NDUFS4: variants seen among roughly 807,000 people sequenced by gnomAD.
The protein encoded by NDUFS4 is NADH dehydrogenase [ubiquinone] iron-sulfur protein 4, mitochondrial.
NDUFS4 carries 28 observed loss-of-function variants against 24.3 expected under a neutral mutation model. The ratio of observed to expected loss-of-function variants is 1.15; its 90% CI spans 0.85 to 1.58. The LOEUF is 1.58. Ranked by LOEUF, NDUFS4 falls within the 40% of genes most tolerant of loss-of-function variation. NDUFS4 has a pLI of 0.00. For missense variants in NDUFS4, 223 were observed against 207.9 expected (o/e 1.07, Z -0.45); for synonymous variants, 93 against 69.7 (o/e 1.34, Z -1.67).
At chr5:53,596,933 T>C (rs970171201) in intron 1 of NDUFS4, among the ~76,000 whole-genome samples, 1 of 152,220 alleles carries the variant, frequency 6.6e-6, no homozygotes, top group South Asian at 2.1e-4. Context: ...TAAAATCATA[T>C]TCAGTTATTT....
intron 4 of NDUFS4, 196 bp downstream of exon 4, chr5:53,658,820 T>G (rs1019660511): frequency 3.1e-5 from 17 of 545,252 alleles, no homozygotes; most frequent in African/African-American, 3.0e-4. Flanking sequence ...ATTGGAATGC[T>G]CATACAACAT....
intron 1 of NDUFS4, among the ~76,000 whole-genome samples, chr5:53,600,024 G>T (rs556148099): frequency 2.6e-5 from 4 of 152,124 alleles, no homozygotes; most frequent in Admixed American, 2.6e-4. Context: ...TTGAGACGGA[G>T]TTTCATTCTT....
At position 53,561,920 on chromosome 5, in the gene NDUFS4, C is replaced by G. The variant is rs191860042; in HGVS notation, c.98+1160C>G. ...ACTAAATACATAGAATAGAGTCACT[C>G]AAAAGTAAGGGTGCTAAGATTGGGG... On this transcript the variant is annotated intron_variant, in intron 1 of 4. Transcript: ENST00000296684. 4.6e-5 allele frequency among the ~76,000 whole-genome samples: 7 copies of G among 151,952 alleles called. No individual in the cohort carries two copies. In the East Asian group the frequency reaches 1.4e-3, roughly 29 times the overall value.
At chr5:53,635,012 A>G (rs1751508396) in intron 2 of NDUFS4, among the ~76,000 whole-genome samples, 1 of 151,970 alleles carries the variant, frequency 6.6e-6, no homozygotes, top group Admixed American at 6.6e-5. Context: ...CAACATGGTG[A>G]AACCCCATCA....
At chr5:53,594,679 C>T (rs1750076773) in intron 1 of NDUFS4, among the ~76,000 whole-genome samples, 1 of 151,914 alleles carries the variant, frequency 6.6e-6, no homozygotes, top group South Asian at 2.1e-4. Context: ...TACTTATTAT[C>T]TCTGATTTTT....
At chr5:53,594,339 A>G (rs1314814157) in intron 1 of NDUFS4, among the ~76,000 whole-genome samples, 1 of 152,108 alleles carries the variant, frequency 6.6e-6, no homozygotes, top group East Asian at 1.9e-4. Context: ...GTCTGAGATT[A>G]ATTTAGCTGT....
intron 2 of NDUFS4, among the ~76,000 whole-genome samples, chr5:53,626,902 C>CT (rs894103662): frequency 1.1e-4 from 16 of 152,262 alleles, no homozygotes; most frequent in Admixed American, 2.0e-4. Flanking sequence ...TCCCATATGT[C>CT]TATTTTGACT....
chr5:53,569,206 GC>G (rs1028925177), intron 1 of NDUFS4, among the ~76,000 whole-genome samples: 5 of 151,944 alleles, frequency 3.3e-5, no homozygotes, highest in African/African-American at 1.2e-4. Flanking sequence ...TATGACTTTT[GC>G]CTTTTAAGTC....
At chr5:53,602,482 TAAG>T (rs377554851) in intron 1 of NDUFS4, among the ~76,000 whole-genome samples, 162 of 152,292 alleles carry the variant, frequency 1.1e-3, no homozygotes, top group African/African-American at 3.5e-3. Context: ...AAATTATAAT[TAAG>T]AAGGTTTTCT....
intron 2 of NDUFS4, among the ~76,000 whole-genome samples, chr5:53,605,641 A>G (rs1417203684): frequency 1.3e-5 from 2 of 152,066 alleles, no homozygotes; most frequent in East Asian, 1.9e-4. Context: ...CTGTAAGGGG[A>G]TTGGTTCTAG....
chr5:53,668,324 C>T (rs1752574760), intron 4 of NDUFS4, among the ~76,000 whole-genome samples: 1 of 152,242 alleles, frequency 6.6e-6, no homozygotes, highest in African/African-American at 2.4e-5. Flanking sequence ...TTAGTTTTTT[C>T]ATTTCCCTTT....
chr5:53,618,390 T>C (rs1750919886), intron 2 of NDUFS4, among the ~76,000 whole-genome samples: 2 of 152,188 alleles, frequency 1.3e-5, no homozygotes, highest in South Asian at 4.1e-4. Flanking sequence ...GGAATTATAA[T>C]TATTATTCTT....
chr5:53,565,026 A>G (rs562111411), intron 1 of NDUFS4, among the ~76,000 whole-genome samples: 10 of 152,338 alleles, frequency 6.6e-5, no homozygotes, highest in African/African-American at 2.4e-4. Context: ...TCCAAAAACC[A>G]CTGGCCAAAT....
chr5:53,641,394 A>G (rs1419986456), intron 2 of NDUFS4, among the ~76,000 whole-genome samples: 1 of 152,188 alleles, frequency 6.6e-6, no homozygotes, highest in South Asian at 2.1e-4. Context: ...CATCATTTGC[A>G]TGAACTATTT....
intron 3 of NDUFS4, among the ~76,000 whole-genome samples, chr5:53,647,157 T>C (rs974312401): frequency 5.9e-5 from 9 of 151,532 alleles, no homozygotes; most frequent in African/African-American, 2.2e-4. Context: ...GGGAAACTTA[T>C]AAGTTCCTGA....
At chr5:53,574,064 A>G (rs1749308941) in intron 1 of NDUFS4, among the ~76,000 whole-genome samples, 1 of 152,160 alleles carries the variant, frequency 6.6e-6, no homozygotes. Context: ...TGAATAGGGA[A>G]ATTTTGTTTC....
rs749248544 is a variant in NDUFS4 at position 53,683,227 on chromosome 5, C to T, written c.*6C>T. ...CAAGAGTATCCACAAAATAGGTTGG[C>T]ACTGACTATATCTCTGCTTGACTGT... is the stretch of plus-strand genomic sequence containing the variant. On this transcript the variant is annotated 3_prime_UTR_variant, in exon 5 of 5. Coordinates refer to ENST00000296684, the MANE Select transcript of NDUFS4 (RefSeq NM_002495.4). 6.4e-6 allele frequency: 10 copies of T among 1,567,966 alleles called. No homozygotes were observed. The Admixed American group carries it at 1.7e-4, about 26-fold the overall frequency.
At chr5:53,659,459 CATAATAGATGTT>C (rs1257403573) in intron 4 of NDUFS4, among the ~76,000 whole-genome samples, 1 of 152,106 alleles carries the variant, frequency 6.6e-6, no homozygotes, top group Non-Finnish European at 1.5e-5. Flanking sequence ...ATAGCTGATA[CATAATAGATGTT>C]CTGCTTGATA....
chr5:53,617,078 T>G (rs1750862730), intron 2 of NDUFS4, among the ~76,000 whole-genome samples: 1 of 152,192 alleles, frequency 6.6e-6, no homozygotes, highest in East Asian at 1.9e-4. Flanking sequence ...GAAAACATGT[T>G]AAAGATTTGT....
Sources: allele counts gnomAD v4.1 joint callset (sites outside exome capture counted in the v4.1 genomes callset), GRCh38; gene constraint gnomAD v4.1.1; transcripts MANE v1.5; gene names NCBI Gene and HGNC (gene_info 2026-07-23, HGNC 2026-07-21).